The following CELF1 variants were observed in gnomAD, a reference collection of about 807,000 sequenced individuals.
CELF1 encodes 50 kDa nuclear polyadenylated RNA-binding protein.
A neutral mutation model predicts 61.8 loss-of-function variants in CELF1; 10 were observed. The ratio of observed to expected loss-of-function variants is 0.16; its 90% confidence interval spans 0.10 to 0.27. CELF1 has a LOEUF of 0.27. CELF1 is among the 10% of genes least tolerant of loss of function. CELF1 has a pLI of 1.00. For missense variants in CELF1, 380 were observed against 639.1 expected (o/e 0.59, Z 4.37); for synonymous variants, 236 against 225.1 (o/e 1.05, Z -0.43).
At chr11:47,540,438 A>G (rs1361663258) in intron 1 of CELF1, among the ~76,000 whole-genome samples, 1 of 152,188 alleles carries the variant, frequency 6.6e-6, no homozygotes, top group Non-Finnish European at 1.5e-5. Flanking sequence ...CTATAAAATG[A>G]CTTTGAACAC....
chr11:47,563,599 G>T (rs2097233611), intron 2 of CELF1, among the ~76,000 whole-genome samples: 1 of 152,204 alleles, frequency 6.6e-6, no homozygotes, highest in Non-Finnish European at 1.5e-5. Flanking sequence ...TGAGGCAGGA[G>T]AACTGCTTGA....
At position 47,537,679 on chromosome 11, in the gene CELF1, TAA is replaced by T. The variant is rs1042193053; in HGVS notation, c.-154+15311_-154+15312del. 4.6e-5 allele frequency among the ~76,000 whole-genome samples: 7 copies of T among 152,310 alleles called. 1 individual carries two copies. Among genetic ancestry groups the T allele is most frequent in the South Asian group, 4.1e-4 (2 of 4,828 alleles). On this transcript the variant is annotated intron_variant, in intron 1 of 14. Coordinates refer to ENST00000687097, the MANE Select transcript of CELF1 (RefSeq NM_001376376.1). ...ACTTAAATTCACAGAATTAAAATGT[TAA>T]GTCTTTTTCCTATTACTAATCCTTA...
intron 1 of CELF1, among the ~76,000 whole-genome samples, chr11:47,535,087 T>C (rs1162286902): frequency 6.6e-6 from 1 of 152,034 alleles, no homozygotes; most frequent in Non-Finnish European, 1.5e-5. Context: ...ACCAGACAAA[T>C]GAACATTAAC....
rs1401871752 is a variant in CELF1, at chr11:47,553,083, G to A, written c.-245C>T. 5.0e-6 allele frequency: 2 copies of A among 399,678 alleles called. No individual in the cohort carries two copies. The highest frequency in any genetic ancestry group is 8.8e-6 in the Non-Finnish European group (2 of 227,240). The allele number at this position is 399,678 out of a possible 1,614,324, so 24.8% of individuals were successfully genotyped here. On this transcript the variant is annotated 5_prime_UTR_variant, in exon 1 of 15. Coordinates refer to ENST00000687097, the MANE Select transcript of CELF1 (RefSeq NM_001376376.1). Reference sequence around the variant, plus strand: ...CCTCGCTGCTGAGGCCGAATCCCGGGGGAGCCTCCGCGTCCCGCCGCCGCT... The same window carrying A: ...CCTCGCTGCTGAGGCCGAATCCCGGAGGAGCCTCCGCGTCCCGCCGCCGCT...
chr11:47,546,257 C>T (rs1053352328), intron 1 of CELF1, among the ~76,000 whole-genome samples: 7 of 21,520 alleles, frequency 3.3e-4, no homozygotes, highest in Admixed American at 6.0e-4. Flanking sequence ...TTTTTTTGGG[C>T]GGGGGCCGGG....
chr11:47,519,744 T>G (rs1252699697), intron 1 of CELF1, among the ~76,000 whole-genome samples: 1 of 151,316 alleles, frequency 6.6e-6, no homozygotes, highest in Non-Finnish European at 1.5e-5. Context: ...GCGCCTGTAG[T>G]CCCCGCTACT....
intron 1 of CELF1, among the ~76,000 whole-genome samples, chr11:47,541,746 G>GC (rs2096795810): frequency 1.2e-4 from 1 of 8,682 alleles, no homozygotes; most frequent in African/African-American, 3.0e-4. Flanking sequence ...AAGAACGAAA[G>GC]AAAGAAAGAA....
At chr11:47,490,641 G>A (rs1443869321) in intron 3 of CELF1, among the ~76,000 whole-genome samples, 2 of 151,802 alleles carry the variant, frequency 1.3e-5, no homozygotes, top group Non-Finnish European at 2.9e-5. Context: ...GGTCAGGCTG[G>A]TCTCAAACTC....
chr11:47,491,152 C>T (rs1035385743), intron 3 of CELF1, among the ~76,000 whole-genome samples: 5 of 151,654 alleles, frequency 3.3e-5, no homozygotes, highest in South Asian at 2.1e-4. Context: ...GATGAGCCAC[C>T]GTGCCCAGCC....
At chr11:47,487,742 AG>A (rs2088408754) in intron 4 of CELF1, among the ~76,000 whole-genome samples, 1 of 152,272 alleles carries the variant, frequency 6.6e-6, no homozygotes, top group Non-Finnish European at 1.5e-5. Context: ...ATGACTTAAG[AG>A]CAAGCACCTC....
intron 1 of CELF1, among the ~76,000 whole-genome samples, chr11:47,552,420 TA>T (rs2097161864): frequency 6.6e-6 from 1 of 152,214 alleles, no homozygotes; most frequent in Non-Finnish European, 1.5e-5. Context: ...GCCCAGCTAC[TA>T]GGCCACGACT....
intron 1 of CELF1, among the ~76,000 whole-genome samples, chr11:47,549,119 A>G (rs1043068870): frequency 6.6e-6 from 1 of 152,160 alleles, no homozygotes; most frequent in African/African-American, 2.4e-5. Context: ...AAGTATTGTC[A>G]AGGATGTAGA....
chr11:47,483,920 A>T (rs2084981932), intron 7 of CELF1, among the ~76,000 whole-genome samples: 1 of 152,202 alleles, frequency 6.6e-6, no homozygotes, highest in Non-Finnish European at 1.5e-5. Flanking sequence ...GAATGAACTG[A>T]TAGGAGGAGT....
chr11:47,488,119 T>C (rs2088791069), intron 4 of CELF1, among the ~76,000 whole-genome samples: 2 of 152,248 alleles, frequency 1.3e-5, no homozygotes, highest in African/African-American at 2.4e-5. Context: ...ATGATAATCA[T>C]GCTTGCTTAC....
chr11:47,550,258 C>T (rs1157027713), intron 1 of CELF1, among the ~76,000 whole-genome samples: 3 of 152,012 alleles, frequency 2.0e-5, no homozygotes, highest in Admixed American at 6.6e-5. Flanking sequence ...ACACCGGGTA[C>T]GGTGGCTTAC....
intron 1 of CELF1, among the ~76,000 whole-genome samples, chr11:47,522,937 A>T (rs1597883895): frequency 1.3e-5 from 2 of 152,136 alleles, no homozygotes; most frequent in Non-Finnish European, 2.9e-5. Flanking sequence ...AGGAGGGGGA[A>T]GTGAATAGGT....
intron 11 of CELF1, 83 bp from the exon 12 acceptor site, chr11:47,477,042 G>T: frequency 8.2e-7 from 1 of 1,219,454 alleles, no homozygotes. Context: ...ATCCAAGTAT[G>T]CTATTTGTAA....
chr11:47,475,281 G>C lies in CELF1; in HGVS notation c.1273+55C>G, dbSNP rs563087295. 3 of 1,557,704 alleles carry C rather than the reference G, an allele frequency of 1.9e-6. No individual in the cohort carries two copies. The South Asian group carries it at 3.4e-5, about 18-fold the overall frequency. ...AGCCTTTGCTCTGCCTTTCCGTTCT[G>C]GTATAGGAGGAAAACCGCCCCCCAT... On this transcript the variant is annotated intron_variant, in intron 13 of 14. Transcript: ENST00000687097.
In CELF1 at chr11:47,486,127, C is replaced by T; in HGVS notation, c.391+623G>A. 3.2e-4 allele frequency among the ~76,000 whole-genome samples: 2 copies of T among 6,310 alleles called. 1 individual carries two copies. Among genetic ancestry groups the T allele is most frequent in the East Asian group, 6.3e-3 (2 of 320 alleles). 4.1% of individuals were successfully genotyped at this position (6,310 alleles called of 152,430 possible). ...AATGAGCTAAGATCATGCCAGTGTACTCCCGCCCAGGCAACAGAGTGAGAC... is the reference window on the plus strand; with the variant it reads ...AATGAGCTAAGATCATGCCAGTGTATTCCCGCCCAGGCAACAGAGTGAGAC... On this transcript the variant is annotated intron_variant, in intron 6 of 14. Transcript: ENST00000687097.
Sources: gnomAD v4.1 joint callset for allele counts (sites outside exome capture counted in the v4.1 genomes callset) on GRCh38, gnomAD v4.1.1 for gene constraint, MANE v1.5 for transcripts, NCBI Gene and HGNC (gene_info 2026-07-23, HGNC 2026-07-21) for gene names.